ADGRL2: variants seen among roughly 807,000 people sequenced by gnomAD.
ADGRL2 encodes the protein calcium-independent alpha-latrotoxin receptor 2.
A neutral mutation model predicts 157.4 loss-of-function variants in ADGRL2; 44 were observed. That is an observed-to-expected ratio of 0.28 (90% confidence interval 0.22 to 0.36). ADGRL2 has a LOEUF of 0.36. Among genes scored for constraint, ADGRL2 ranks in the 10% least tolerant of loss-of-function variants. ADGRL2 has a pLI of 1.00. For synonymous variants in ADGRL2, 585 were observed against 624.7 expected (o/e 0.94, Z 0.95); for missense variants, 1,510 against 1,768.9 (o/e 0.85, Z 2.63).
At chr1:81,356,968 A>G (rs370306785) in intron 1 of ADGRL2, among the ~76,000 whole-genome samples, 12 of 104,098 alleles carry the variant, frequency 1.2e-4, no homozygotes, top group East Asian at 2.2e-4. Flanking sequence ...AAAAAAAAAA[A>G]AAAAAGAAGT....
intron 2 of ADGRL2, among the ~76,000 whole-genome samples, chr1:81,763,088 A>G (rs551052915): frequency 6.6e-6 from 1 of 151,360 alleles, no homozygotes; most frequent in Non-Finnish European, 1.5e-5. Context: ...CACAAAAGGT[A>G]CACAAAAGAA....
At chr1:81,786,410 T>C (rs1243945090) in intron 2 of ADGRL2, among the ~76,000 whole-genome samples, 1 of 152,080 alleles carries the variant, frequency 6.6e-6, no homozygotes, top group Non-Finnish European at 1.5e-5. Context: ...AAACCTTGTC[T>C]CTACTAAAAA....
At chr1:81,989,417 T>G (rs1664109158) in intron 23 of ADGRL2, among the ~76,000 whole-genome samples, 1 of 152,176 alleles carries the variant, frequency 6.6e-6, no homozygotes, top group Admixed American at 6.6e-5. Context: ...GTGCTGTCAC[T>G]GTGACTGATG....
intron 2 of ADGRL2, among the ~76,000 whole-genome samples, chr1:81,543,079 A>T (rs188424626): frequency 6.6e-6 from 1 of 151,974 alleles, no homozygotes; most frequent in Non-Finnish European, 1.5e-5. Flanking sequence ...TTGAACTTCA[A>T]GATAAGTTAT....
In ADGRL2 at chr1:81,349,055, T is replaced by C. The variant is rs565255828; in HGVS notation, c.-302+42546T>C. Among the ~76,000 whole-genome samples, 3 of 152,310 alleles carry C rather than the reference T, an allele frequency of 2.0e-5. No homozygotes were observed. The East Asian group carries it at 5.8e-4, about 29-fold the overall frequency. On this transcript the variant is annotated intron_variant, in intron 1 of 24. Transcript: ENST00000370721. ...ATTACACTTAAACCATATATATATT[T>C]CCTTCATTGAAAAAGTTTTATGATT... is the stretch of plus-strand genomic sequence containing the variant.
intron 1 of ADGRL2, among the ~76,000 whole-genome samples, chr1:81,312,759 T>G (rs1374161017): frequency 6.6e-6 from 1 of 152,164 alleles, no homozygotes. Flanking sequence ...AGTTTACAGG[T>G]GACTGTGGAT....
chr1:81,974,971 A>G (rs1659760762), intron 17 of ADGRL2, among the ~76,000 whole-genome samples: 2 of 152,052 alleles, frequency 1.3e-5, no homozygotes, highest in African/African-American at 4.8e-5. Flanking sequence ...AAAATGTCCC[A>G]GTTTGATGAC....
At chr1:81,823,366 C>G (rs1305214703) in intron 1 of ADGRL2, among the ~76,000 whole-genome samples, 4 of 105,172 alleles carry the variant, frequency 3.8e-5, no homozygotes, top group African/African-American at 1.4e-4. Context: ...CTCCTTCCTT[C>G]CCTCCCCCCT....
At chr1:81,617,183 C>T (rs974022251) in intron 3 of ADGRL2, among the ~76,000 whole-genome samples, 3 of 152,240 alleles carry the variant, frequency 2.0e-5, no homozygotes, top group Non-Finnish European at 4.4e-5. Context: ...CTGAGCTCCA[C>T]CTCCTGTCAG....
At chr1:81,791,918 A>G (rs1380967865) in intron 2 of ADGRL2, among the ~76,000 whole-genome samples, 1 of 152,216 alleles carries the variant, frequency 6.6e-6, no homozygotes, top group African/African-American at 2.4e-5. Flanking sequence ...TATATAGTTA[A>G]AATTTCAGAA....
chr1:81,733,767 T>G (rs569432491), intron 1 of ADGRL2, among the ~76,000 whole-genome samples: 2 of 152,112 alleles, frequency 1.3e-5, no homozygotes, highest in African/African-American at 4.8e-5. Context: ...TTATTTGGAA[T>G]AAAGGAGCTA....
chr1:81,947,125 A>G (rs1038117480), intron 6 of ADGRL2, among the ~76,000 whole-genome samples: 3 of 152,178 alleles, frequency 2.0e-5, no homozygotes, highest in Non-Finnish European at 4.4e-5. Context: ...GCATGAGTGC[A>G]TGATACGGCA....
intron 1 of ADGRL2, among the ~76,000 whole-genome samples, chr1:81,339,752 T>C (rs1020681419): frequency 6.6e-6 from 1 of 152,230 alleles, no homozygotes; most frequent in Non-Finnish European, 1.5e-5. Flanking sequence ...CTGTACTCTC[T>C]TGGAATTTAT....
In ADGRL2 at chr1:81,410,056, T is replaced by A. The variant is rs146347763; in HGVS notation, c.-301-34980T>A. ...CTGAATATCAGCACGTTCCAAAGCT[T>A]AGTAACAAAGCTTAGACTGTCACGT... On this transcript the variant is annotated intron_variant, in intron 1 of 24. Coordinates refer to the ADGRL2 transcript ENST00000370721. Among the ~76,000 whole-genome samples, 14 of 152,334 alleles carry A rather than the reference T, an allele frequency of 9.2e-5. No individual in the cohort carries two copies. In the East Asian group the frequency reaches 2.7e-3, roughly 29 times the overall value.
intron 2 of ADGRL2, among the ~76,000 whole-genome samples, chr1:81,464,397 C>T (rs1475702510): frequency 2.0e-5 from 3 of 151,716 alleles, no homozygotes; most frequent in Admixed American, 2.0e-4. Flanking sequence ...TGCTTAGGTT[C>T]ATTTTAGCTA....
At chr1:81,417,888 C>T (rs2077058799) in intron 1 of ADGRL2, among the ~76,000 whole-genome samples, 1 of 152,188 alleles carries the variant, frequency 6.6e-6, no homozygotes, top group East Asian at 1.9e-4. Context: ...ACCCCAACCA[C>T]CACCTCCAGT....
chr1:81,673,560 A>G (rs1466082421), intron 3 of ADGRL2, among the ~76,000 whole-genome samples: 92 of 135,458 alleles, frequency 6.8e-4, no homozygotes, highest in Non-Finnish European at 8.6e-4. Flanking sequence ...TGTCGCCCAG[A>G]CTGGAGTGCA....
chr1:81,566,713 C>T (rs1255446907), intron 2 of ADGRL2, among the ~76,000 whole-genome samples: 1 of 152,042 alleles, frequency 6.6e-6, no homozygotes, highest in Non-Finnish European at 1.5e-5. Flanking sequence ...AAAGAGAGAA[C>T]AGGAAAAGGG....
At chr1:81,981,702 T>C (rs928753249) in intron 18 of ADGRL2, 106 bp from the exon 19 acceptor site, 25 of 883,186 alleles carry the variant, frequency 2.8e-5, no homozygotes, top group Middle Eastern at 4.6e-4. Context: ...AATATGAATG[T>C]GAACATAGAG....
Sources: gnomAD v4.1 joint callset for allele counts (sites outside exome capture counted in the v4.1 genomes callset) on GRCh38, gnomAD v4.1.1 for gene constraint, MANE v1.5 for transcripts, NCBI Gene and HGNC (gene_info 2026-07-23, HGNC 2026-07-21) for gene names.